Variants in KLB observed in about 807,000 individuals in gnomAD.
The protein encoded by KLB is klotho beta.
KLB carries 44 observed loss-of-function variants against 88.4 expected under a neutral mutation model. That is an observed-to-expected ratio of 0.50 (90% CI 0.39 to 0.64). The LOEUF (loss-of-function observed/expected upper bound fraction) is 0.64, where lower values mean the gene tolerates loss of function less well. Ranked by LOEUF, KLB falls within the 30% of genes least tolerant of loss-of-function variation. The pLI is 0.00. For synonymous variants in KLB, 548 were observed against 513.4 expected, an observed-to-expected ratio of 1.07 and a Z score of -0.91; for missense variants, 1,137 against 1,304.8, an observed-to-expected ratio of 0.87 and a Z score of 1.98.
intron 3 of KLB, among the ~76,000 whole-genome samples, chr4:39,445,669 T>TA (rs1229475736): frequency 1.4e-5 from 2 of 139,476 alleles, no homozygotes; most frequent in Admixed American, 1.6e-4. Context: ...CACGCCTGGC[T>TA]AATCTTGTTT....
intron 2 of KLB, 133 bp from the exon 3 acceptor site, chr4:39,437,594 G>A: frequency 9.8e-7 from 1 of 1,017,464 alleles, no homozygotes. Flanking sequence ...TTTTCTATTT[G>A]ATACAGCAGA....
chr4:39,443,866 T>G (rs1482523215), intron 3 of KLB, among the ~76,000 whole-genome samples: 1 of 151,732 alleles, frequency 6.6e-6, no homozygotes. Context: ...TTAACATTCT[T>G]TCATGAACCG....
chr4:39,409,580 C>T (rs764571384), intron 1 of KLB, among the ~76,000 whole-genome samples: 19 of 151,398 alleles, frequency 1.3e-4, no homozygotes, highest in Non-Finnish European at 1.9e-4. Flanking sequence ...TGAGCCACTG[C>T]GCTCAGCCAG....
intron 1 of KLB, among the ~76,000 whole-genome samples, chr4:39,428,896 CAG>C (rs1289791065): frequency 6.6e-6 from 1 of 152,046 alleles, no homozygotes; most frequent in African/African-American, 2.4e-5. Context: ...TTAGTAGAGA[CAG>C]GGTCCCACCA....
chr4:39,407,639 G>T lies in KLB; in HGVS notation c.690G>T (p.Gly230=), dbSNP rs1382161775. ...DYATYCFQMF[G]DRVKYWITIH... Reference sequence around the variant, plus strand: ...CCACATACTGTTTCCAGATGTTTGGGGACCGTGTCAAATATTGGATTACAA... The same window carrying T: ...CCACATACTGTTTCCAGATGTTTGGTGACCGTGTCAAATATTGGATTACAA... Residue 230 remains glycine (G), a synonymous_variant, in exon 1 of 5, where the codon GGG becomes GGT. Coordinates refer to ENST00000257408, the MANE Select transcript of KLB (RefSeq NM_175737.4). 6.2e-7 allele frequency: 1 copy of T among 1,613,808 alleles called. No individual in the cohort carries two copies. The highest frequency in any genetic ancestry group is 1.7e-5 in the Admixed American group (1 of 59,992).
At chr4:39,427,310 C>G (rs1743240106) in intron 1 of KLB, among the ~76,000 whole-genome samples, 1 of 151,986 alleles carries the variant, frequency 6.6e-6, no homozygotes, top group Non-Finnish European at 1.5e-5. Flanking sequence ...GGGTGAAACC[C>G]TGTCTCTACT....
chr4:39,411,156 C>T (rs1458020651), intron 1 of KLB, among the ~76,000 whole-genome samples: 2 of 151,768 alleles, frequency 1.3e-5, no homozygotes, highest in African/African-American at 2.4e-5. Flanking sequence ...CGGGTTCAAG[C>T]GGGAGCCTCA....
At chr4:39,430,918 T>TG (rs908782260) in intron 1 of KLB, among the ~76,000 whole-genome samples, 13 of 148,294 alleles carry the variant, frequency 8.8e-5, no homozygotes, top group Admixed American at 8.1e-4. Context: ...TTGGAAAGTT[T>TG]TTTTTTTTTT....
intron 1 of KLB, among the ~76,000 whole-genome samples, chr4:39,425,358 G>A (rs1743182402): frequency 1.3e-5 from 2 of 152,214 alleles, no homozygotes; most frequent in Non-Finnish European, 2.9e-5. Flanking sequence ...GAACAAATAT[G>A]CTAGAGTTTA....
chr4:39,409,867 T>C (rs921859277), intron 1 of KLB, among the ~76,000 whole-genome samples: 1 of 151,966 alleles, frequency 6.6e-6, no homozygotes, highest in Non-Finnish European at 1.5e-5. Flanking sequence ...GAGGTTACAG[T>C]GAGCCGAGAT....
chr4:39,435,203 T>C (rs1421925342), intron 2 of KLB, among the ~76,000 whole-genome samples: 4 of 149,072 alleles, frequency 2.7e-5, no homozygotes, highest in South Asian at 4.3e-4. Context: ...CTGCAACCTC[T>C]GCCTCCTGGG....
chr4:39,430,686 C>G (rs774788376), intron 1 of KLB, among the ~76,000 whole-genome samples: 1 of 150,682 alleles, frequency 6.6e-6, no homozygotes, highest in East Asian at 1.9e-4. Flanking sequence ...CTGCAACCTC[C>G]GCCTCCTGGG....
In KLB at chr4:39,407,714, T is replaced by C. The variant is rs1161649386; in HGVS notation, c.765T>C (p.His255=). 1.9e-6 allele frequency: 3 copies of C among 1,612,876 alleles called. No individual in the cohort carries two copies. Among genetic ancestry groups the C allele is most frequent in the Non-Finnish European group, 2.5e-6 (3 of 1,178,996 alleles). ...GGCATGGGTATGGGACAGGTATGCATGCCCCTGGAGAGAAGGGAAATTTAG... is the reference window on the plus strand; with the variant it reads ...GGCATGGGTATGGGACAGGTATGCACGCCCCTGGAGAGAAGGGAAATTTAG... ...VAWHGYGTGM[H]APGEKGNLAA... Residue 255 remains histidine (H), a synonymous_variant, in exon 1 of 5, where the codon CAT becomes CAC. Coordinates refer to ENST00000257408, the MANE Select transcript of KLB (RefSeq NM_175737.4).
intron 1 of KLB, among the ~76,000 whole-genome samples, chr4:39,425,361 A>G (rs1174654696): frequency 1.3e-5 from 2 of 152,386 alleles, no homozygotes; most frequent in African/African-American, 4.8e-5. Flanking sequence ...CAAATATGCT[A>G]GAGTTTAGTT....
chr4:39,421,236 T>C (rs1162934171), intron 1 of KLB, among the ~76,000 whole-genome samples: 2 of 152,156 alleles, frequency 1.3e-5, no homozygotes, highest in Non-Finnish European at 2.9e-5. Flanking sequence ...TTTAAATAAA[T>C]AAAGTAAATG....
Position 39,444,449 on chromosome 4 carries a change from C to T in KLB, c.1606-1883C>T, listed in dbSNP as rs531171442. Among the ~76,000 whole-genome samples, 4 of 152,306 alleles carry T rather than the reference C, an allele frequency of 2.6e-5. No homozygotes were observed. The East Asian group carries it at 7.7e-4, about 29-fold the overall frequency. On this transcript the variant is annotated intron_variant, in intron 3 of 4. Coordinates refer to ENST00000257408, the MANE Select transcript of KLB (RefSeq NM_175737.4). ...TGGCACAAGATGCCCACCTTCATCT[C>T]ATTCTTCTCCTGGAAAAAGCCATTT...
rs1743891142 is a variant in KLB, at chr4:39,451,231, G to C, written c.*2545G>C. ...AGGTTAAGCATTTAATCTGGCTCAT[G>C]CTCTATCATACTAAATATTCAGGTT... On this transcript the variant is annotated 3_prime_UTR_variant, in exon 5 of 5. Transcript: ENST00000257408. 1 of 152,204 alleles carries C rather than the reference G, an allele frequency of 6.6e-6. No individual in the cohort carries two copies. 9.4% of individuals were successfully genotyped at this position (152,204 alleles called of 1,614,324 possible). A position where few individuals can be genotyped will look rare whatever the true frequency, so the allele number is the denominator to read the frequency against.
Position 39,450,196 on chromosome 4 carries a change from ATC to A in KLB, c.*1512_*1513del, listed in dbSNP as rs780339834. 1.2e-4 allele frequency: 19 copies of A among 152,338 alleles called. No individual in the cohort carries two copies. Among genetic ancestry groups the A allele is most frequent in the Admixed American group, 5.9e-4 (9 of 15,298 alleles). 9.4% of individuals were successfully genotyped at this position (152,338 alleles called of 1,614,324 possible). A position where few individuals can be genotyped will look rare whatever the true frequency, so the allele number is the denominator to read the frequency against. ...GAGACTTGTTCAGTGTATTTTAAAC[ATC>A]TGAGGAAGAAAACTTAAATATGCAC... On this transcript the variant is annotated 3_prime_UTR_variant, in exon 5 of 5. Transcript: ENST00000257408.
chr4:39,418,342 C>A (rs1403179604), intron 1 of KLB, among the ~76,000 whole-genome samples: 1 of 151,980 alleles, frequency 6.6e-6, no homozygotes. Context: ...CTGGTTCAAG[C>A]GATTCTCCTG....
Sources: gnomAD v4.1 joint callset for allele counts (sites outside exome capture counted in the v4.1 genomes callset) on GRCh38, gnomAD v4.1.1 for gene constraint, MANE v1.5 for transcripts, NCBI Gene and HGNC (gene_info 2026-07-23, HGNC 2026-07-21) for gene names.